The following ZBTB20 variants were observed in gnomAD, a reference collection of about 807,000 sequenced individuals.
ZBTB20 encodes zinc finger and BTB domain containing 20.
A neutral mutation model predicts 56.9 loss-of-function variants in ZBTB20; 9 were observed. The observed-to-expected ratio is 0.16, with a 90% CI of 0.10 to 0.28. The LOEUF is 0.28. Among genes scored for constraint, ZBTB20 ranks in the 10% least tolerant of loss-of-function variants. The probability of loss-of-function intolerance (pLI) is 1.00; values close to 1 mark genes in which losing one functional copy is unlikely to be tolerated. For synonymous variants in ZBTB20, 417 were observed against 420.7 expected (o/e 0.99, Z 0.11); for missense variants, 655 against 1,003.0 (o/e 0.65, Z 4.69).
At chr3:114,819,162 A>C (rs1232144344) in intron 4 of ZBTB20, among the ~76,000 whole-genome samples, 1 of 151,972 alleles carries the variant, frequency 6.6e-6, no homozygotes, top group Non-Finnish European at 1.5e-5. Context: ...TAGCATGCCT[A>C]TACCTAAATA....
chr3:114,617,497 C>T (rs1000089986), intron 6 of ZBTB20, among the ~76,000 whole-genome samples: 3 of 152,194 alleles, frequency 2.0e-5, no homozygotes, highest in African/African-American at 7.2e-5. Flanking sequence ...CTTGAACATC[C>T]TTCAGTTACG....
intron 5 of ZBTB20, among the ~76,000 whole-genome samples, chr3:114,696,762 G>A (rs1210033029): frequency 6.6e-6 from 1 of 151,976 alleles, no homozygotes; most frequent in Non-Finnish European, 1.5e-5. Context: ...GAAAGAAAAG[G>A]GGGAGGGGGT....
chr3:115,088,627 AT>A (rs2083076956), intron 1 of ZBTB20, among the ~76,000 whole-genome samples: 1 of 151,890 alleles, frequency 6.6e-6, no homozygotes, highest in African/African-American at 2.4e-5. Flanking sequence ...TAAAAATTAC[AT>A]TTTTAGCTAT....
At chr3:114,784,474 GAA>G (rs2070345908) in intron 5 of ZBTB20, among the ~76,000 whole-genome samples, 1 of 152,146 alleles carries the variant, frequency 6.6e-6, no homozygotes, top group Non-Finnish European at 1.5e-5. Context: ...AATCATAAAA[GAA>G]TTGTAATCAG....
At chr3:114,657,121 A>G (rs1268591892) in intron 6 of ZBTB20, among the ~76,000 whole-genome samples, 1 of 152,098 alleles carries the variant, frequency 6.6e-6, no homozygotes, top group Admixed American at 6.5e-5. Context: ...ATTGTGCATG[A>G]TATTTATACA....
intron 5 of ZBTB20, among the ~76,000 whole-genome samples, chr3:114,760,806 T>C (rs2068377804): frequency 6.6e-6 from 1 of 152,174 alleles, no homozygotes; most frequent in Non-Finnish European, 1.5e-5. Flanking sequence ...CTATTTATCT[T>C]CTTTTACTAT....
chr3:114,559,136 C>T (rs2051662887), intron 6 of ZBTB20, among the ~76,000 whole-genome samples: 1 of 152,124 alleles, frequency 6.6e-6, no homozygotes. Context: ...TATTGTATTT[C>T]CAGTGTCTGG....
intron 11 of ZBTB20, among the ~76,000 whole-genome samples, chr3:114,341,125 G>C (rs1243045810): frequency 6.6e-6 from 1 of 152,206 alleles, no homozygotes; most frequent in Non-Finnish European, 1.5e-5. Flanking sequence ...ACACTGACCA[G>C]ACAGTATGCT....
intron 7 of ZBTB20, among the ~76,000 whole-genome samples, chr3:114,394,100 CAGCT>C (rs1252118449): frequency 1.3e-5 from 2 of 152,168 alleles, no homozygotes; most frequent in African/African-American, 4.8e-5. Context: ...GTAACAATAA[CAGCT>C]AGCATTTATT....
chr3:114,920,514 G>A (rs1390301171), intron 3 of ZBTB20, among the ~76,000 whole-genome samples: 1 of 152,088 alleles, frequency 6.6e-6, no homozygotes, highest in Non-Finnish European at 1.5e-5. Flanking sequence ...CAAACATGTG[G>A]CAATTAAATA....
At chr3:114,646,407 C>T (rs1218759486) in intron 6 of ZBTB20, among the ~76,000 whole-genome samples, 1 of 152,114 alleles carries the variant, frequency 6.6e-6, no homozygotes, top group Non-Finnish European at 1.5e-5. Flanking sequence ...ATGAAAACTC[C>T]TTCTTCCAAG....
intron 5 of ZBTB20, among the ~76,000 whole-genome samples, chr3:114,787,374 C>CAT (rs2070614550): frequency 4.0e-5 from 5 of 126,532 alleles, no homozygotes; most frequent in African/African-American, 1.0e-4. Flanking sequence ...TATATACACA[C>CAT]ACACACACAC....
chr3:114,403,052 A>G (rs1033697823), intron 7 of ZBTB20, among the ~76,000 whole-genome samples: 3 of 152,200 alleles, frequency 2.0e-5, no homozygotes. Flanking sequence ...TCTGGATTGT[A>G]GCTGACGTGT....
At chr3:114,635,830 A>G (rs1203414607) in intron 6 of ZBTB20, among the ~76,000 whole-genome samples, 1 of 152,114 alleles carries the variant, frequency 6.6e-6, no homozygotes, top group Non-Finnish European at 1.5e-5. Flanking sequence ...GAATCAATAA[A>G]CACATTAGGG....
chr3:114,588,898 G>A (rs534118989), intron 6 of ZBTB20, among the ~76,000 whole-genome samples: 1 of 152,252 alleles, frequency 6.6e-6, no homozygotes, highest in South Asian at 2.1e-4. Context: ...GTTTCGCATG[G>A]CTGGGGAAGC....
intron 2 of ZBTB20, among the ~76,000 whole-genome samples, chr3:115,060,805 C>A (rs1236011149): frequency 6.6e-6 from 1 of 152,098 alleles, no homozygotes; most frequent in East Asian, 1.9e-4. Context: ...ACCCAGTTAA[C>A]TTTATCAGAA....
intron 6 of ZBTB20, among the ~76,000 whole-genome samples, chr3:114,616,549 G>A (rs1462405597): frequency 6.6e-6 from 1 of 152,120 alleles, no homozygotes; most frequent in Admixed American, 6.5e-5. Context: ...GATAATCTCT[G>A]CAGGCTCCTC....
intron 4 of ZBTB20, among the ~76,000 whole-genome samples, chr3:114,860,056 C>T (rs2075445120): frequency 6.6e-6 from 1 of 152,108 alleles, no homozygotes; most frequent in Non-Finnish European, 1.5e-5. Context: ...CACCTGTAAT[C>T]CTAGCACTTT....
chr3:115,108,675 T>C (rs1466844391), intron 1 of ZBTB20, among the ~76,000 whole-genome samples: 1 of 152,184 alleles, frequency 6.6e-6, no homozygotes, highest in Non-Finnish European at 1.5e-5. Flanking sequence ...CATTCACCCA[T>C]ATACTGTAGC....
Sources: allele counts gnomAD v4.1 joint callset (sites outside exome capture counted in the v4.1 genomes callset), GRCh38; gene constraint gnomAD v4.1.1; transcripts MANE v1.5; gene names NCBI Gene and HGNC (gene_info 2026-07-23, HGNC 2026-07-21).